The following FRMD5 variants were observed in gnomAD, a reference collection of about 807,000 sequenced individuals.
FRMD5 encodes the protein FERM domain containing 5.
In FRMD5, 20 loss-of-function variants were observed where a neutral mutation model predicts 69.0. The observed-to-expected ratio is 0.29, with a 90% confidence interval of 0.20 to 0.42. The LOEUF is 0.42. Among genes scored for constraint, FRMD5 ranks in the 10% least tolerant of loss-of-function variants. FRMD5 has a pLI of 1.00. For missense variants in FRMD5, 595 were observed against 708.6 expected (o/e 0.84, Z 1.82); for synonymous variants, 271 against 260.1 (o/e 1.04, Z -0.40).
rs192735233 is a variant in FRMD5, at chr15:43,954,117, T to A, written c.103-29808A>T. Among the ~76,000 whole-genome samples, 3 of 152,338 alleles carry A rather than the reference T, an allele frequency of 2.0e-5. No individual in the cohort carries two copies. In the East Asian group the frequency reaches 5.8e-4, roughly 29 times the overall value. On this transcript the variant is annotated intron_variant, in intron 1 of 13. Transcript: ENST00000417257. ...AAGCTACCTGGCCAAGCCCTGTCGA[T>A]GCCCAGATTCAATTAAATATCATCA...
At chr15:44,143,895 G>A (rs2077312359) in intron 1 of FRMD5, among the ~76,000 whole-genome samples, 1 of 143,916 alleles carries the variant, frequency 6.9e-6, no homozygotes, top group African/African-American at 2.6e-5. Flanking sequence ...CTGCACGCCA[G>A]TCTGGGCGAC....
rs2090469170 is a variant in FRMD5 at position 43,976,762 on chromosome 15, G to A, written c.103-52453C>T. ...GCTCACTGCAACCTCTGCCTTCCAGGTTCAAGTGATTCTCCTGCCTCAGTC... is the reference window on the plus strand; with the variant it reads ...GCTCACTGCAACCTCTGCCTTCCAGATTCAAGTGATTCTCCTGCCTCAGTC... On this transcript the variant is annotated intron_variant, in intron 1 of 13. Coordinates refer to ENST00000417257, the MANE Select transcript of FRMD5 (RefSeq NM_032892.5). Among the ~76,000 whole-genome samples the A allele has an allele frequency of 4.6e-5, 7 of 152,174 alleles. No individual in the cohort carries two copies. The South Asian group carries it at 1.5e-3, about 32-fold the overall frequency.
chr15:43,983,851 G>A (rs890722817), intron 1 of FRMD5, among the ~76,000 whole-genome samples: 1 of 152,214 alleles, frequency 6.6e-6, no homozygotes, highest in African/African-American at 2.4e-5. Context: ...CAGGGGCCTA[G>A]TGAGAGGCCA....
At chr15:44,130,560 T>C (rs1482370340) in intron 1 of FRMD5, among the ~76,000 whole-genome samples, 1 of 152,320 alleles carries the variant, frequency 6.6e-6, no homozygotes, top group East Asian at 1.9e-4. Flanking sequence ...AGCAAGTCTT[T>C]CCATAATATG....
intron 4 of FRMD5, 131 bp from the exon 5 acceptor site, chr15:43,910,110 A>G: frequency 1.9e-6 from 1 of 527,724 alleles, no homozygotes; most frequent in Middle Eastern, 5.2e-4. Context: ...CCTAAAACAT[A>G]ATGTAGAACA....
intron 1 of FRMD5, among the ~76,000 whole-genome samples, chr15:44,151,168 C>T (rs1367304368): frequency 2.6e-5 from 4 of 151,660 alleles, no homozygotes; most frequent in Admixed American, 6.6e-5. Context: ...GAGGCCAAGG[C>T]GGACGGATCA....
At chr15:44,156,916 A>AT (rs1265006365) in intron 1 of FRMD5, among the ~76,000 whole-genome samples, 13 of 152,266 alleles carry the variant, frequency 8.5e-5, no homozygotes, top group African/African-American at 2.9e-4. Flanking sequence ...ATATATATAT[A>AT]AAAATGCAAA....
At chr15:43,911,318 T>C (rs946557130) in intron 4 of FRMD5, among the ~76,000 whole-genome samples, 10 of 152,234 alleles carry the variant, frequency 6.6e-5, no homozygotes, top group Admixed American at 4.6e-4. Context: ...GTCTGACTTC[T>C]GAGATCATAA....
At chr15:43,877,066 C>T (rs1445179121) in intron 13 of FRMD5, among the ~76,000 whole-genome samples, 4 of 152,144 alleles carry the variant, frequency 2.6e-5, no homozygotes, top group Non-Finnish European at 5.9e-5. Flanking sequence ...TGAGTGAGCG[C>T]GGCCCCCATC....
chr15:44,143,357 T>C (rs933738613), intron 1 of FRMD5, among the ~76,000 whole-genome samples: 1 of 151,998 alleles, frequency 6.6e-6, no homozygotes, highest in Non-Finnish European at 1.5e-5. Flanking sequence ...TTCTATCTGG[T>C]TCTCTCAGTG....
At chr15:44,042,716 C>T (rs938487557) in intron 1 of FRMD5, among the ~76,000 whole-genome samples, 5 of 152,274 alleles carry the variant, frequency 3.3e-5, no homozygotes, top group East Asian at 3.9e-4. Context: ...AGGCCTTTGA[C>T]GAAATTCAAC....
At chr15:43,900,924 T>C (rs1418601117) in intron 7 of FRMD5, among the ~76,000 whole-genome samples, 1 of 152,112 alleles carries the variant, frequency 6.6e-6, no homozygotes, top group East Asian at 1.9e-4. Flanking sequence ...GCATTCCTAT[T>C]TGTTATGCGC....
intron 1 of FRMD5, among the ~76,000 whole-genome samples, chr15:43,980,915 C>T: frequency 6.6e-6 from 1 of 152,088 alleles, no homozygotes; most frequent in Admixed American, 6.6e-5. Context: ...AAAAAATCTA[C>T]CTATAAAATT....
intron 1 of FRMD5, among the ~76,000 whole-genome samples, chr15:43,935,394 G>T (rs932005616): frequency 6.6e-6 from 1 of 152,306 alleles, no homozygotes; most frequent in East Asian, 1.9e-4. Flanking sequence ...TGAGGCAGGA[G>T]AGCTGCTTGA....
chr15:44,103,384 T>G (rs1029127212), intron 1 of FRMD5, among the ~76,000 whole-genome samples: 1 of 152,210 alleles, frequency 6.6e-6, no homozygotes, highest in African/African-American at 2.4e-5. Context: ...AGGAGTTTTA[T>G]GGAATAGTTT....
chr15:44,152,655 G>T (rs944538838), intron 1 of FRMD5, among the ~76,000 whole-genome samples: 2 of 152,058 alleles, frequency 1.3e-5, no homozygotes, highest in African/African-American at 4.8e-5. Context: ...AACCACTCTG[G>T]TGGATGTCTA....
At chr15:43,894,075 A>G (rs951014960) in intron 7 of FRMD5, among the ~76,000 whole-genome samples, 3 of 152,238 alleles carry the variant, frequency 2.0e-5, no homozygotes, top group African/African-American at 7.2e-5. Context: ...TGCAGACACT[A>G]TGAAGCCACA....
chr15:43,999,943 A>G lies in FRMD5; in HGVS notation c.103-75634T>C, dbSNP rs1402548888. Among the ~76,000 whole-genome samples the G allele has an allele frequency of 4.7e-3, 604 of 128,074 alleles. 18 individuals are homozygous for G. The highest frequency in any genetic ancestry group is 0.019 in the African/African-American group (562 of 29,568). 84.0% of individuals were successfully genotyped at this position (128,074 alleles called of 152,430 possible). A position where few individuals can be genotyped will look rare whatever the true frequency, so the allele number is the denominator to read the frequency against. ...TGTATGTATATATATATATATATAT[A>G]TATGCCATGCATATATATATATATA... On this transcript the variant is annotated intron_variant, in intron 1 of 13. Coordinates refer to ENST00000417257, the MANE Select transcript of FRMD5 (RefSeq NM_032892.5).
intron 1 of FRMD5, among the ~76,000 whole-genome samples, chr15:44,129,874 T>C (rs542540682): frequency 2.4e-4 from 37 of 152,128 alleles, no homozygotes; most frequent in Non-Finnish European, 3.1e-4. Flanking sequence ...CTTCCCATGA[T>C]TGACTTCTGG....
Sources: allele counts gnomAD v4.1 joint callset (sites outside exome capture counted in the v4.1 genomes callset), GRCh38; gene constraint gnomAD v4.1.1; transcripts MANE v1.5; gene names NCBI Gene and HGNC (gene_info 2026-07-23, HGNC 2026-07-21).